ZNF676: variants seen among roughly 807,000 people sequenced by gnomAD.
The protein encoded by ZNF676 is zinc finger protein 676.
ZNF676 carries 4 observed loss-of-function variants against 6.0 expected under a neutral mutation model. The observed-to-expected ratio is 0.67, with a 90% CI of 0.33 to 1.53. The LOEUF (loss-of-function observed/expected upper bound fraction) is 1.53. Ranked by LOEUF, ZNF676 falls within the 40% of genes most tolerant of loss-of-function variation. The pLI, the probability that ZNF676 is intolerant of heterozygous loss-of-function variation, is 0.06. For synonymous variants in ZNF676, 198 were observed against 223.1 expected, an observed-to-expected ratio of 0.89 and a Z score of 1.00; for missense variants, 644 against 679.7, an observed-to-expected ratio of 0.95 and a Z score of 0.58.
chr19:22,204,569 G>T (rs534799132), intron 1 of ZNF676, among the ~76,000 whole-genome samples: 22 of 152,262 alleles, frequency 1.4e-4, no homozygotes, highest in Middle Eastern at 3.4e-3. Flanking sequence ...GAACTCTTCT[G>T]GCTTTCGCAG....
chr19:22,257,323 A>G, the ZNF676 span, among the ~76,000 whole-genome samples: 1 of 152,106 alleles, frequency 6.6e-6, no homozygotes, highest in Admixed American at 6.5e-5. Flanking sequence ...GAGAAATACA[A>G]TAAGCCCCCT....
chr19:22,237,756 G>A, the ZNF676 span, among the ~76,000 whole-genome samples: 35,661 of 151,966 alleles, frequency 0.23, 4,876 homozygotes, highest in South Asian at 0.43. Flanking sequence ...CTGACAAAAA[G>A]CTCATCAGAG....
intron 1 of ZNF676, among the ~76,000 whole-genome samples, chr19:22,209,754 A>C (rs1398847254): frequency 6.6e-6 from 1 of 152,196 alleles, no homozygotes; most frequent in African/African-American, 2.4e-5. Flanking sequence ...ACTCTGATTC[A>C]TTTCTGGGTC....
At chr19:22,222,845 CT>C in the ZNF676 span, among the ~76,000 whole-genome samples, 1 of 152,136 alleles carries the variant, frequency 6.6e-6, no homozygotes, top group Non-Finnish European at 1.5e-5. Context: ...TCCTTCAGGA[CT>C]TTCATCTGTA....
chr19:22,241,987 T>C, the ZNF676 span, among the ~76,000 whole-genome samples: 1 of 151,908 alleles, frequency 6.6e-6, no homozygotes, highest in African/African-American at 2.4e-5. Flanking sequence ...GTGCTGGGCC[T>C]GTGATGACAC....
intron 2 of ZNF676, among the ~76,000 whole-genome samples, chr19:22,189,729 C>G (rs957522589): frequency 6.6e-6 from 1 of 152,104 alleles, no homozygotes; most frequent in Non-Finnish European, 1.5e-5. Flanking sequence ...ACAGACACTT[C>G]TCAAAAGAAG....
At chr19:22,216,114 C>A (rs1331805079), upstream of ZNF676, among the ~76,000 whole-genome samples, 1 of 152,162 alleles carries the variant, frequency 6.6e-6, no homozygotes, top group Non-Finnish European at 1.5e-5. Flanking sequence ...AAGAGTAAAT[C>A]AATTTTTACT....
At chr19:22,247,717 A>C in the ZNF676 span, among the ~76,000 whole-genome samples, 1 of 152,290 alleles carries the variant, frequency 6.6e-6, no homozygotes, top group Admixed American at 6.5e-5. Context: ...CCTGGGAGGC[A>C]GAGGTTGCAG....
the ZNF676 span, among the ~76,000 whole-genome samples, chr19:22,256,749 TC>T: frequency 6.6e-6 from 1 of 151,734 alleles, no homozygotes; most frequent in Non-Finnish European, 1.5e-5. Context: ...TTCATTACAA[TC>T]CCCTTTTATT....
At chr19:22,225,249 A>G in the ZNF676 span, among the ~76,000 whole-genome samples, 1 of 152,112 alleles carries the variant, frequency 6.6e-6, no homozygotes, top group Non-Finnish European at 1.5e-5. Context: ...TTCATGTGAC[A>G]TAGTATTTTC....
Position 22,179,888 on chromosome 19 carries a change from G to A in ZNF676, c.*62C>T. 1 of 1,545,300 alleles carries A rather than the reference G, an allele frequency of 6.5e-7. No homozygotes were observed. Among genetic ancestry groups the A allele is most frequent in the Non-Finnish European group, 8.9e-7 (1 of 1,125,304 alleles). Reference sequence around the variant, plus strand: ...CCTTTGTAGATTTTCTCTCCAGTATGAATTTTCTTATGTTTACTAGACTGA... The same window carrying A: ...CCTTTGTAGATTTTCTCTCCAGTATAAATTTTCTTATGTTTACTAGACTGA... On this transcript the variant is annotated 3_prime_UTR_variant, in exon 3 of 3. Transcript: ENST00000397121.
chr19:22,194,233 T>C (rs2023943465), intron 1 of ZNF676, among the ~76,000 whole-genome samples: 1 of 152,176 alleles, frequency 6.6e-6, no homozygotes, highest in Non-Finnish European at 1.5e-5. Context: ...GAGAGCCTTA[T>C]GCACAATATA....
At chr19:22,233,362 A>G in the ZNF676 span, among the ~76,000 whole-genome samples, 11 of 151,062 alleles carry the variant, frequency 7.3e-5, no homozygotes, top group African/African-American at 2.7e-4. Context: ...AATATTTTGG[A>G]TGGGAATGTA....
chr19:22,213,109 A>T (rs2024147112), intron 1 of ZNF676, among the ~76,000 whole-genome samples: 1 of 152,184 alleles, frequency 6.6e-6, no homozygotes, highest in African/African-American at 2.4e-5. Flanking sequence ...CCAATTACTG[A>T]GAGATTCAGC....
rs938116360 is a variant in ZNF676, at chr19:22,181,374, A to G, written c.343T>C (p.Cys115Arg). 9 of 1,613,636 alleles carry G rather than the reference A, an allele frequency of 5.6e-6. No homozygotes were observed. The African/African-American group carries it at 9.3e-5, about 17-fold the overall frequency. ...TGAAAGACGTTTGCATATTTGCCAC[A>G]TTGAAATACTTTGCTCTGTGTAGTT... ...LTTTQSKVFQ[C>R]GKYANVFHKC... is the part of the protein sequence containing the mutation. The change falls in exon 3 of 3, where the codon TGT becomes CGT. Residue 115 changes from cysteine to arginine, a missense_variant. Physicochemically the swap from Cys to Arg is radical, Grantham distance 180. Coordinates refer to ENST00000397121, the MANE Select transcript of ZNF676 (RefSeq NM_001001411.3).
upstream of ZNF676, among the ~76,000 whole-genome samples, chr19:22,199,701 A>G (rs1454622266): frequency 1.3e-5 from 2 of 152,216 alleles, no homozygotes; most frequent in African/African-American, 4.8e-5. Context: ...TAAAATTTAG[A>G]TAAATTTTTA....
At chr19:22,183,520 T>C (rs1013596172) in intron 2 of ZNF676, among the ~76,000 whole-genome samples, 4 of 149,506 alleles carry the variant, frequency 2.7e-5, no homozygotes, top group African/African-American at 9.9e-5. Flanking sequence ...GTATTTTTAG[T>C]AGAGATGAGG....
the ZNF676 span, among the ~76,000 whole-genome samples, chr19:22,241,424 A>G: frequency 1.3e-5 from 2 of 151,886 alleles, no homozygotes; most frequent in Non-Finnish European, 1.5e-5. Flanking sequence ...TCTTGGTCTG[A>G]GAGTAACCAA....
the ZNF676 span, among the ~76,000 whole-genome samples, chr19:22,241,980 C>G: frequency 6.6e-6 from 1 of 151,854 alleles, no homozygotes; most frequent in Non-Finnish European, 1.5e-5. Context: ...CGTCTGTGTG[C>G]TGGGCCTGTG....
Sources: gnomAD v4.1 joint callset for allele counts (sites outside exome capture counted in the v4.1 genomes callset) on GRCh38, gnomAD v4.1.1 for gene constraint, MANE v1.5 for transcripts, NCBI Gene and HGNC (gene_info 2026-07-23, HGNC 2026-07-21) for gene names.